The following SGCG variants were observed in gnomAD, a reference collection of about 807,000 sequenced individuals.
SGCG encodes the protein gamma-sarcoglycan.
Under a neutral mutation model 29.3 loss-of-function variants are expected in SGCG, and 26 were observed. The observed-to-expected ratio is 0.89, with a 90% CI of 0.65 to 1.23. The LOEUF (loss-of-function observed/expected upper bound fraction) is 1.23. Ranked by LOEUF, SGCG falls within the 50% of genes most tolerant of loss-of-function variation. SGCG has a pLI of 0.00. For missense variants in SGCG, 353 were observed against 356.0 expected (o/e 0.99, Z 0.07); for synonymous variants, 145 against 129.7 (o/e 1.12, Z -0.80).
intron 1 of SGCG, among the ~76,000 whole-genome samples, chr13:23,183,600 C>T (rs2034165851): frequency 6.6e-6 from 1 of 152,294 alleles, no homozygotes; most frequent in South Asian, 2.1e-4. Context: ...GTTTACCTTT[C>T]CCATGAAAAT....
At chr13:23,289,568 A>G (rs1381551547) in intron 5 of SGCG, among the ~76,000 whole-genome samples, 1 of 152,134 alleles carries the variant, frequency 6.6e-6, no homozygotes, top group East Asian at 1.9e-4. Flanking sequence ...TTTCTTTTGT[A>G]TGTGGCGTTT....
intron 4 of SGCG, among the ~76,000 whole-genome samples, chr13:23,264,149 T>C (rs2137591242): frequency 6.6e-6 from 1 of 152,194 alleles, no homozygotes; most frequent in Admixed American, 6.5e-5. Context: ...TATCTCTGTT[T>C]GCCAATGATG....
At chr13:23,209,563 A>G (rs1260645384) in intron 2 of SGCG, among the ~76,000 whole-genome samples, 1 of 152,228 alleles carries the variant, frequency 6.6e-6, no homozygotes, top group Non-Finnish European at 1.5e-5. Context: ...CAGATATGCA[A>G]GTGACCACAG....
At chr13:23,219,511 T>C (rs1357719234) in intron 2 of SGCG, among the ~76,000 whole-genome samples, 2 of 152,148 alleles carry the variant, frequency 1.3e-5, no homozygotes, top group African/African-American at 4.8e-5. Context: ...TTAAAGGAAT[T>C]TTTCTTCCTC....
chr13:23,252,586 G>A (rs1015975813), intron 4 of SGCG, among the ~76,000 whole-genome samples: 2 of 152,114 alleles, frequency 1.3e-5, no homozygotes, highest in Non-Finnish European at 1.5e-5. Context: ...AGCTACTTGG[G>A]CGGCTGAGGC....
In SGCG at chr13:23,324,603, C is replaced by G. The variant is rs1883166235; in HGVS notation, c.*62C>G. 6.9e-7 allele frequency: 1 copy of G among 1,444,962 alleles called. No homozygotes were observed. The highest frequency in any genetic ancestry group is 1.7e-5 in the Admixed American group (1 of 59,040). 89.5% of individuals were successfully genotyped at this position (1,444,962 alleles called of 1,614,324 possible). ...GCCCCAGATCCTCACACCCAGGGAG[C>G]AGCTGCACATCGTGAAAGACTGAGG... On this transcript the variant is annotated 3_prime_UTR_variant, in exon 8 of 8. Coordinates refer to ENST00000218867, the MANE Select transcript of SGCG (RefSeq NM_000231.3).
At chr13:23,161,521 T>C in the SGCG span, among the ~76,000 whole-genome samples, 3 of 152,256 alleles carry the variant, frequency 2.0e-5, no homozygotes, top group African/African-American at 7.2e-5. Flanking sequence ...TTTACATTTT[T>C]CAATGTAATA....
intron 6 of SGCG, among the ~76,000 whole-genome samples, chr13:23,299,408 A>ATGTGTG (rs35074931): frequency 7.2e-5 from 1 of 13,942 alleles, no homozygotes; most frequent in African/African-American, 4.4e-4. Flanking sequence ...CTTAGTTGGC[A>ATGTGTG]TATATATATA....
rs531696875 is a variant in SGCG, at chr13:23,280,926, G to T, written c.505+1448G>T. 2.0e-5 allele frequency among the ~76,000 whole-genome samples: 3 copies of T among 152,260 alleles called. No individual in the cohort carries two copies. The East Asian group carries it at 5.8e-4, about 29-fold the overall frequency. On this transcript the variant is annotated intron_variant, in intron 5 of 7. Coordinates refer to ENST00000218867, the MANE Select transcript of SGCG (RefSeq NM_000231.3). Reference sequence around the variant, plus strand: ...AAGATGAACTTTTCCTTAGCCCAGGGCTCCTTCCGGGCCATGACATCAATT... The same window carrying T: ...AAGATGAACTTTTCCTTAGCCCAGGTCTCCTTCCGGGCCATGACATCAATT...
intron 6 of SGCG, among the ~76,000 whole-genome samples, chr13:23,301,468 G>A: frequency 6.6e-6 from 1 of 152,180 alleles, no homozygotes; most frequent in Admixed American, 6.5e-5. Context: ...CCAGGGCTGG[G>A]CCAGGGAATG....
chr13:23,276,241 A>G (rs1881061313), intron 4 of SGCG, among the ~76,000 whole-genome samples: 1 of 151,992 alleles, frequency 6.6e-6, no homozygotes, highest in Non-Finnish European at 1.5e-5. Context: ...AAACTCCATA[A>G]CTATTGAAGA....
intron 6 of SGCG, among the ~76,000 whole-genome samples, chr13:23,317,746 C>T (rs1308793641): frequency 2.0e-5 from 3 of 152,064 alleles, no homozygotes; most frequent in Admixed American, 2.0e-4. Context: ...TAATTATGAC[C>T]TTATTATCTT....
At chr13:23,303,903 C>T (rs1882268543) in intron 6 of SGCG, among the ~76,000 whole-genome samples, 1 of 143,486 alleles carries the variant, frequency 7.0e-6, no homozygotes, top group African/African-American at 2.5e-5. Flanking sequence ...TTTTCCTTTC[C>T]CCATGGCTCC....
chr13:23,314,451 T>TA (rs549788556), intron 6 of SGCG, among the ~76,000 whole-genome samples: 27,178 of 136,350 alleles, frequency 0.2, 3,275 homozygotes, highest in Non-Finnish European at 0.26. Flanking sequence ...AAGATATATA[T>TA]AAAGGTATAT....
chr13:23,267,114 G>T (rs868128128), intron 4 of SGCG, among the ~76,000 whole-genome samples: 1 of 152,106 alleles, frequency 6.6e-6, no homozygotes, highest in Non-Finnish European at 1.5e-5. Flanking sequence ...TTTCCAATAA[G>T]AAAAATCAAT....
chr13:23,162,868 A>T, the SGCG span, among the ~76,000 whole-genome samples: 16 of 152,146 alleles, frequency 1.1e-4, 1 homozygote, highest in African/African-American at 3.1e-4. Flanking sequence ...TAAATAATTT[A>T]AAAAATAAGA....
chr13:23,201,436 C>T (rs965333481), intron 1 of SGCG, among the ~76,000 whole-genome samples: 3 of 151,946 alleles, frequency 2.0e-5, no homozygotes, highest in Non-Finnish European at 4.4e-5. Context: ...CTGGGTAATC[C>T]GGGCAAGCCC....
intron 1 of SGCG, among the ~76,000 whole-genome samples, chr13:23,196,730 C>T (rs1877527478): frequency 6.8e-6 from 1 of 147,394 alleles, no homozygotes; most frequent in African/African-American, 2.5e-5. Context: ...TTCTTTGTGC[C>T]ACACATCTCC....
chr13:23,207,503 A>T (rs1299664883), intron 2 of SGCG, among the ~76,000 whole-genome samples: 3 of 152,242 alleles, frequency 2.0e-5, no homozygotes, highest in African/African-American at 4.8e-5. Context: ...GCAGCAAAGA[A>T]AATAATCAGC....
Sources: allele counts gnomAD v4.1 joint callset (sites outside exome capture counted in the v4.1 genomes callset), GRCh38; gene constraint gnomAD v4.1.1; transcripts MANE v1.5; gene names NCBI Gene and HGNC (gene_info 2026-07-23, HGNC 2026-07-21).